The following TSBP1 variants were observed in gnomAD, a reference collection of about 807,000 sequenced individuals.
TSBP1 encodes testis expressed basic protein 1.
Under a neutral mutation model 68.8 loss-of-function variants are expected in TSBP1, and 56 were observed. The ratio of observed to expected loss-of-function variants is 0.81; its 90% CI spans 0.66 to 1.02. The LOEUF (loss-of-function observed/expected upper bound fraction) is 1.02, where lower values mean the gene tolerates loss of function less well. TSBP1 is among the 50% of genes least tolerant of loss of function. The pLI is 0.00. For missense variants in TSBP1, 502 were observed against 641.2 expected (o/e 0.78, Z 2.34); for synonymous variants, 171 against 208.7 (o/e 0.82, Z 1.56).
intron 19 of TSBP1, among the ~76,000 whole-genome samples, chr6:32,307,965 G>T (rs1405734334): frequency 6.6e-6 from 1 of 151,842 alleles, no homozygotes; most frequent in Non-Finnish European, 1.5e-5. Flanking sequence ...AGTAGAGACA[G>T]GGTTTCACCA....
chr6:32,365,857 G>T lies in TSBP1; in HGVS notation c.217+310C>A, dbSNP rs1274368841. 2.0e-5 allele frequency: 10 copies of T among 493,202 alleles called. No homozygotes were observed. Among genetic ancestry groups the T allele is most frequent in the Non-Finnish European group, 3.5e-5 (9 of 253,986 alleles). The allele number at this position is 493,202 out of a possible 1,614,324, so 30.6% of individuals were successfully genotyped here. A position where few individuals can be genotyped will look rare whatever the true frequency, so the allele number is the denominator to read the frequency against. ...CCACAATGGTATTGTCTCATCTGTG[G>T]ATAGTTGTCTAAATTGATGCTTCTG... On this transcript the variant is annotated intron_variant, in intron 6 of 22. Transcript: ENST00000612031. This position sits in a 1 kb window ranked among gnomAD's most constrained non-coding sequence, Gnocchi z 4.3.
chr6:32,345,603 A>G (rs1460323956), intron 9 of TSBP1, among the ~76,000 whole-genome samples: 1 of 152,156 alleles, frequency 6.6e-6, no homozygotes, highest in Non-Finnish European at 1.5e-5. Flanking sequence ...TATTATGAAG[A>G]AAAAATGTTT....
In TSBP1 at chr6:32,325,280, TGA is replaced by T; in HGVS notation, c.515-1668_515-1667del. 1 of 1,373,056 alleles carries T rather than the reference TGA, an allele frequency of 7.3e-7. No individual in the cohort carries two copies. Among genetic ancestry groups the T allele is most frequent in the Non-Finnish European group, 1.0e-6 (1 of 989,592 alleles). The allele number at this position is 1,373,056 out of a possible 1,614,324, so 85.1% of individuals were successfully genotyped here. On this transcript the variant is annotated intron_variant, in intron 16 of 22. Transcript: ENST00000612031. This position sits in a 1 kb window ranked among gnomAD's most constrained non-coding sequence, Gnocchi z 4.4. ...CTGAGGAAGCTCTTCATTGGAGGGT[TGA>T]GCTTTGAAACAACTGATGAGAGCCT...
Position 32,315,899 on chromosome 6 carries a change from C to A in TSBP1, c.560-107G>T. On this transcript the variant is annotated intron_variant, in intron 18 of 22. Coordinates refer to ENST00000612031, the Ensembl canonical transcript of TSBP1. This position sits in a 1 kb window ranked among gnomAD's most constrained non-coding sequence, Gnocchi z 5.4. Reference sequence around the variant, plus strand: ...TCTGTGAGGGGAGGACTTGTGTGGGCAAAGAAGGAAGCATTCCAAACCACC... The same window carrying A: ...TCTGTGAGGGGAGGACTTGTGTGGGAAAAGAAGGAAGCATTCCAAACCACC... 3.0e-6 allele frequency: 2 copies of A among 673,966 alleles called. No individual in the cohort carries two copies. The highest frequency in any genetic ancestry group is 4.4e-5 in the South Asian group (2 of 45,342). The allele number at this position is 673,966 out of a possible 1,614,324, so 41.7% of individuals were successfully genotyped here.
intron 22 of TSBP1, among the ~76,000 whole-genome samples, chr6:32,295,094 G>A (rs1032750628): frequency 5.9e-5 from 9 of 152,080 alleles, no homozygotes; most frequent in African/African-American, 2.2e-4. Flanking sequence ...CCAGCACCTT[G>A]GGAGGCCAAA....
exon 7 of TSBP1, chr6:32,355,657 C>T (rs1772221278): frequency 6.3e-7 from 1 of 1,588,748 alleles, no homozygotes; most frequent in Non-Finnish European, 8.5e-7. Flanking sequence ...ACTGTAATCT[C>T]TTTTGGATCT....
chr6:32,342,134 C>T (rs3117137), intron 9 of TSBP1, among the ~76,000 whole-genome samples: 33,573 of 148,990 alleles, frequency 0.23, 4,212 homozygotes, highest in African/African-American at 0.29. Flanking sequence ...CTCCCTTCTC[C>T]ATTCATTTTT....
chr6:32,348,121 T>A (rs1322731053), intron 9 of TSBP1, among the ~76,000 whole-genome samples: 1 of 152,244 alleles, frequency 6.6e-6, no homozygotes, highest in African/African-American at 2.4e-5. Flanking sequence ...GTCTGTGAAA[T>A]ACTTATGTTG....
At position 32,332,138 on chromosome 6, in the gene TSBP1, T is replaced by C. The variant is rs1769105192; in HGVS notation, c.473-84A>G. Reference sequence around the variant, plus strand: ...TAATTTTATCCTAGAAGTGAGGCTTTGAGAGGTAGAGCAGGGGAGAGGAAG... The same window carrying C: ...TAATTTTATCCTAGAAGTGAGGCTTCGAGAGGTAGAGCAGGGGAGAGGAAG... On this transcript the variant is annotated intron_variant, in intron 14 of 22. Coordinates refer to ENST00000612031, the Ensembl canonical transcript of TSBP1. 3.0e-6 allele frequency: 3 copies of C among 1,011,522 alleles called. No individual in the cohort carries two copies. In the Admixed American group the frequency reaches 5.1e-5, roughly 17 times the overall value. The allele number at this position is 1,011,522 out of a possible 1,614,324, so 62.7% of individuals were successfully genotyped here.
chr6:32,349,789 G>T, exon 9 of TSBP1: 1 of 1,610,342 alleles, frequency 6.2e-7, no homozygotes, highest in Non-Finnish European at 8.5e-7. Context: ...AAAGAAGAAT[G>T]AGTTCTGTTT....
At chr6:32,351,779 A>T (rs1051038593) in intron 8 of TSBP1, among the ~76,000 whole-genome samples, 1 of 152,116 alleles carries the variant, frequency 6.6e-6, no homozygotes, top group Non-Finnish European at 1.5e-5. Context: ...TGTGAGATTC[A>T]CTTCATTTAT....
At chr6:32,317,877 C>T (rs1020490383) in intron 18 of TSBP1, among the ~76,000 whole-genome samples, 7 of 152,134 alleles carry the variant, frequency 4.6e-5, no homozygotes, top group Non-Finnish European at 5.9e-5. Context: ...TTAGTTCAAC[C>T]ATTGTGGGAA....
intron 19 of TSBP1, among the ~76,000 whole-genome samples, chr6:32,303,955 C>T (rs935774544): frequency 1.3e-5 from 2 of 152,140 alleles, no homozygotes; most frequent in African/African-American, 4.8e-5. Flanking sequence ...CCTGTGGCTT[C>T]AGACTGTGAT....
intron 16 of TSBP1, among the ~76,000 whole-genome samples, chr6:32,328,148 G>A (rs1196983504): frequency 9.2e-5 from 14 of 151,862 alleles, no homozygotes; most frequent in Admixed American, 2.0e-4. Context: ...CATCATGTTG[G>A]CCAGGCTGGT....
At chr6:32,301,604 C>T (rs1030918247) in intron 20 of TSBP1, among the ~76,000 whole-genome samples, 8 of 151,506 alleles carry the variant, frequency 5.3e-5, no homozygotes, top group Non-Finnish European at 8.8e-5. Flanking sequence ...CCTGTAGTCC[C>T]AGCTGCTCAG....
At chr6:32,293,995 T>A in exon 23 of TSBP1, 1 of 1,611,196 alleles carries the variant, frequency 6.2e-7, no homozygotes, top group Non-Finnish European at 8.5e-7. Flanking sequence ...TGGAACAAGA[T>A]TTTTTTGCAA....
chr6:32,293,459 A>G, exon 23 of TSBP1: 1 of 1,611,812 alleles, frequency 6.2e-7, no homozygotes, highest in African/African-American at 1.3e-5. Context: ...TCCTTTCAGT[A>G]CAACTGACTC....
chr6:32,318,224 CACTT>C (rs1767183997), intron 18 of TSBP1, among the ~76,000 whole-genome samples: 1 of 152,120 alleles, frequency 6.6e-6, no homozygotes, highest in Admixed American at 6.5e-5. Flanking sequence ...CACATGTTCT[CACTT>C]ACAAATGGGA....
chr6:32,333,118 C>T lies in TSBP1; in HGVS notation c.473-1064G>A, dbSNP rs2127601256. On this transcript the variant is annotated intron_variant, in intron 14 of 22. Transcript: ENST00000612031. This position sits in a 1 kb window ranked among gnomAD's most constrained non-coding sequence, Gnocchi z 4.2. ...CTGCCTCCTGGGTTCAAGCGATTCT[C>T]CTGCCTTAGCCTCCTGAGTAGCTGG... Among the ~76,000 whole-genome samples, 1 of 152,138 alleles carries T rather than the reference C, an allele frequency of 6.6e-6. No individual in the cohort carries two copies. The highest frequency in any genetic ancestry group is 2.4e-5 in the African/African-American group (1 of 41,466).
Sources: allele counts gnomAD v4.1 joint callset (sites outside exome capture counted in the v4.1 genomes callset), GRCh38; gene constraint gnomAD v4.1.1; non-coding constraint Gnocchi (gnomAD v3.1); transcripts MANE v1.5; gene names NCBI Gene and HGNC (gene_info 2026-07-23, HGNC 2026-07-21).